The following PLCL1 variants were observed in gnomAD, a reference collection of about 807,000 sequenced individuals.
PLCL1 encodes inactive phospholipase C-like protein 1.
In PLCL1, 41 loss-of-function variants were observed where a neutral mutation model predicts 84.4. The ratio of observed to expected loss-of-function variants is 0.49; its 90% CI spans 0.38 to 0.63. The LOEUF (loss-of-function observed/expected upper bound fraction) is 0.63. PLCL1 is among the 30% of genes least tolerant of loss of function. The probability of loss-of-function intolerance (pLI) is 0.00; values close to 1 mark genes in which losing one functional copy is unlikely to be tolerated. For synonymous variants in PLCL1, 490 were observed against 488.3 expected, an observed-to-expected ratio of 1.00 and a Z score of -0.05; for missense variants, 1,206 against 1,367.8, an observed-to-expected ratio of 0.88 and a Z score of 1.87.
At chr2:198,009,323 T>A (rs75451468) in intron 1 of PLCL1, among the ~76,000 whole-genome samples, 1 of 151,996 alleles carries the variant, frequency 6.6e-6, no homozygotes, top group African/African-American at 2.4e-5. Context: ...TTAAGTCTAA[T>A]TTTTAGGTCT....
At chr2:198,060,216 A>G (rs560505088) in intron 1 of PLCL1, among the ~76,000 whole-genome samples, 1 of 152,304 alleles carries the variant, frequency 6.6e-6, no homozygotes, top group East Asian at 1.9e-4. Context: ...CTGTCCATTC[A>G]TTTCCTGCCA....
intron 1 of PLCL1, among the ~76,000 whole-genome samples, chr2:197,938,741 G>T (rs1275474563): frequency 2.6e-5 from 4 of 152,154 alleles, no homozygotes; most frequent in African/African-American, 7.2e-5. Context: ...GGGCTGATTG[G>T]ATCTGAGGTT....
At chr2:197,842,981 C>G (rs557716006) in intron 1 of PLCL1, among the ~76,000 whole-genome samples, 1 of 152,178 alleles carries the variant, frequency 6.6e-6, no homozygotes, top group Admixed American at 6.5e-5. Context: ...CATGACCTGG[C>G]TTTAATGTAA....
At chr2:197,983,655 T>C (rs1264093987) in intron 1 of PLCL1, among the ~76,000 whole-genome samples, 1 of 152,148 alleles carries the variant, frequency 6.6e-6, no homozygotes, top group African/African-American at 2.4e-5. Flanking sequence ...GCACCGAAGA[T>C]AGAAAGGAGA....
rs201009322 is a variant in PLCL1, at chr2:198,085,793, C to T, written c.2276C>T (p.Ala759Val). The T allele has an allele frequency of 1.2e-4, 198 of 1,613,878 alleles. No homozygotes were observed. Among genetic ancestry groups the T allele is most frequent in the Non-Finnish European group, 1.4e-4 (171 of 1,179,918 alleles). The change falls in exon 2 of 6, where the codon GCG becomes GTG. Residue 759 changes from alanine to valine, a missense_variant. Physicochemically the swap from Ala to Val is moderately conservative, Grantham distance 64. Transcript: ENST00000428675. The surrounding 1 kb of genome is among the most constrained non-coding windows in gnomAD (Gnocchi z 5.3). ...TGTATAGAGATACACGGAATTCCAG[C>T]GGATTGTTCGGAACAAAGAACTAAA... ...YVCIEIHGIPADCSEQRTKTV... is the reference protein window; with the variant it reads ...YVCIEIHGIPVDCSEQRTKTV...
chr2:198,049,080 C>A (rs771221804), intron 1 of PLCL1, among the ~76,000 whole-genome samples: 2 of 152,122 alleles, frequency 1.3e-5, no homozygotes, highest in Non-Finnish European at 2.9e-5. Flanking sequence ...TCTGTGATTC[C>A]GTTACATTAT....
At chr2:198,021,884 A>C in intron 1 of PLCL1, among the ~76,000 whole-genome samples, 1 of 152,200 alleles carries the variant, frequency 6.6e-6, no homozygotes, top group East Asian at 1.9e-4. Flanking sequence ...ACTCCTTCCT[A>C]ACTCATTTTA....
At chr2:197,899,639 CT>C (rs1232397878) in intron 1 of PLCL1, among the ~76,000 whole-genome samples, 63 of 141,266 alleles carry the variant, frequency 4.5e-4, no homozygotes, top group Admixed American at 4.3e-4. Context: ...TTCTTTCTTT[CT>C]TTTTTTTTTT....
At chr2:198,056,894 G>T (rs1420733801) in intron 1 of PLCL1, among the ~76,000 whole-genome samples, 1 of 152,148 alleles carries the variant, frequency 6.6e-6, no homozygotes, top group African/African-American at 2.4e-5. Flanking sequence ...AATGGCAAAA[G>T]ATGAATTCCA....
chr2:198,008,129 G>A (rs1690774979), intron 1 of PLCL1, among the ~76,000 whole-genome samples: 1 of 152,014 alleles, frequency 6.6e-6, no homozygotes. Context: ...AAATCACAAT[G>A]AACTCTTCCA....
intron 1 of PLCL1, among the ~76,000 whole-genome samples, chr2:197,974,199 A>G (rs1029033004): frequency 2.6e-5 from 4 of 152,224 alleles, no homozygotes; most frequent in African/African-American, 7.2e-5. Context: ...ACTTACCAAG[A>G]GTTCTGATTT....
chr2:197,898,465 T>C (rs1329974388), intron 1 of PLCL1, among the ~76,000 whole-genome samples: 1 of 152,150 alleles, frequency 6.6e-6, no homozygotes, highest in African/African-American at 2.4e-5. Flanking sequence ...GGTTGGCATT[T>C]CACACCCCAA....
intron 1 of PLCL1, among the ~76,000 whole-genome samples, chr2:197,867,936 C>A (rs1172111865): frequency 1.3e-5 from 2 of 152,140 alleles, no homozygotes; most frequent in African/African-American, 2.4e-5. Context: ...CCTCTTTAAC[C>A]ACTGTTCATC....
intron 1 of PLCL1, among the ~76,000 whole-genome samples, chr2:197,939,973 G>C (rs1432310494): frequency 6.6e-6 from 1 of 152,166 alleles, no homozygotes; most frequent in African/African-American, 2.4e-5. Flanking sequence ...TTTGATCCGT[G>C]TGGGGTGGGA....
intron 1 of PLCL1, among the ~76,000 whole-genome samples, chr2:197,849,416 C>A (rs1480959635): frequency 2.0e-5 from 3 of 151,700 alleles, no homozygotes; most frequent in African/African-American, 4.8e-5. Context: ...AGAAAAAAGG[C>A]TTTTTTGTGT....
At chr2:197,942,629 C>T (rs571708859) in intron 1 of PLCL1, among the ~76,000 whole-genome samples, 1 of 152,116 alleles carries the variant, frequency 6.6e-6, no homozygotes, top group Non-Finnish European at 1.5e-5. Context: ...ATTTGAAATA[C>T]ACAAGGGACG....
At chr2:197,822,958 A>G (rs1452237719) in intron 1 of PLCL1, among the ~76,000 whole-genome samples, 4 of 152,194 alleles carry the variant, frequency 2.6e-5, no homozygotes, top group Non-Finnish European at 5.9e-5. Flanking sequence ...TAGGCTTGAT[A>G]TGGCAGCTGG....
chr2:197,844,097 C>A (rs1032083585), intron 1 of PLCL1, among the ~76,000 whole-genome samples: 3 of 152,246 alleles, frequency 2.0e-5, no homozygotes, highest in Non-Finnish European at 2.9e-5. Context: ...ATGGACATTA[C>A]TATTTTTTAT....
chr2:197,924,297 T>C (rs1688791630), intron 1 of PLCL1, among the ~76,000 whole-genome samples: 1 of 152,200 alleles, frequency 6.6e-6, no homozygotes, highest in South Asian at 2.1e-4. Flanking sequence ...AATGTCTTTG[T>C]TCCTCCTGAG....
Sources: allele counts gnomAD v4.1 joint callset (sites outside exome capture counted in the v4.1 genomes callset), GRCh38; gene constraint gnomAD v4.1.1; non-coding constraint Gnocchi (gnomAD v3.1); transcripts MANE v1.5; gene names NCBI Gene and HGNC (gene_info 2026-07-23, HGNC 2026-07-21).